MGAT5: variants seen among roughly 807,000 people sequenced by gnomAD.
MGAT5 encodes alpha-1,6-mannosylglycoprotein 6-beta-N-acetylglucosaminyltransferase, also known as alpha-1,6-mannosylglycoprotein 6-beta-N-acetylglucosaminyltransferase A.
MGAT5 carries 30 observed loss-of-function variants against 94.3 expected under a neutral mutation model. The ratio of observed to expected loss-of-function variants is 0.32; its 90% CI spans 0.24 to 0.43. The LOEUF is 0.43. Ranked by LOEUF, MGAT5 falls within the 20% of genes least tolerant of loss-of-function variation. The pLI, the probability that MGAT5 is intolerant of heterozygous loss-of-function variation, is 1.00. For synonymous variants in MGAT5, 310 were observed against 322.9 expected (o/e 0.96, Z 0.43); for missense variants, 691 against 905.5 (o/e 0.76, Z 3.04).
Position 134,422,004 on chromosome 2 carries a change from C to CA in MGAT5, c.1678-784dup, listed in dbSNP as rs34234717. 5.1e-3 allele frequency among the ~76,000 whole-genome samples: 650 copies of CA among 128,398 alleles called. 1 individual carries two copies. Among genetic ancestry groups the CA allele is most frequent in the East Asian group, 0.012 (58 of 4,656 alleles). The allele number at this position is 128,398 out of a possible 152,430, so 84.2% of individuals were successfully genotyped here. A position where few individuals can be genotyped will look rare whatever the true frequency, so the allele number is the denominator to read the frequency against. Reference sequence around the variant, plus strand: ...GCAACATACAGAGACCGTGTGTATACAAAAAAAAAAAAAAATTGTTTTTAA... The same window carrying CA: ...GCAACATACAGAGACCGTGTGTATACAAAAAAAAAAAAAAAATTGTTTTTAA... On this transcript the variant is annotated intron_variant, in intron 12 of 15. Coordinates refer to ENST00000281923, the MANE Select transcript of MGAT5 (RefSeq NM_002410.5).
At chr2:134,331,006 C>A (rs1475946365) in intron 4 of MGAT5, among the ~76,000 whole-genome samples, 2 of 152,040 alleles carry the variant, frequency 1.3e-5, no homozygotes, top group Non-Finnish European at 2.9e-5. Context: ...ATTACTTTTT[C>A]TTTCCATCTT....
chr2:134,294,035 T>G (rs1033936770), intron 2 of MGAT5, among the ~76,000 whole-genome samples: 20 of 152,178 alleles, frequency 1.3e-4, no homozygotes, highest in African/African-American at 4.8e-4. Context: ...CTAGAAAAGA[T>G]TGCCTCATGG....
At chr2:134,153,959 C>T (rs550898509) in intron 1 of MGAT5, among the ~76,000 whole-genome samples, 7 of 152,124 alleles carry the variant, frequency 4.6e-5, no homozygotes, top group South Asian at 2.1e-4. Context: ...ATAGGGGCAA[C>T]GGCAGGGCTG....
At chr2:134,368,906 G>T (rs1315071187) in intron 10 of MGAT5, among the ~76,000 whole-genome samples, 1 of 152,168 alleles carries the variant, frequency 6.6e-6, no homozygotes, top group Non-Finnish European at 1.5e-5. Flanking sequence ...CCCAACTGGA[G>T]CCGCCAAGAC....
At chr2:134,285,282 C>A (rs927205518) in intron 2 of MGAT5, among the ~76,000 whole-genome samples, 11 of 151,974 alleles carry the variant, frequency 7.2e-5, no homozygotes, top group Admixed American at 2.0e-4. Flanking sequence ...GTGTATATTG[C>A]ATAAAGATTA....
chr2:134,192,606 A>G (rs1483896226), intron 1 of MGAT5, among the ~76,000 whole-genome samples: 1 of 152,262 alleles, frequency 6.6e-6, no homozygotes, highest in Non-Finnish European at 1.5e-5. Flanking sequence ...AAGGAAATAT[A>G]CAGAGGTATG....
intron 1 of MGAT5, among the ~76,000 whole-genome samples, chr2:134,213,782 G>T (rs1680322828): frequency 6.6e-6 from 1 of 151,988 alleles, no homozygotes; most frequent in South Asian, 2.1e-4. Context: ...GTCCAGAAGG[G>T]TCCTAAACAC....
intron 1 of MGAT5, among the ~76,000 whole-genome samples, chr2:134,150,023 A>G (rs1443601414): frequency 6.6e-6 from 1 of 152,184 alleles, no homozygotes; most frequent in African/African-American, 2.4e-5. Flanking sequence ...TGGCTGAACC[A>G]ATGTGAAGCC....
chr2:134,441,055 A>G (rs1194597064), intron 14 of MGAT5, among the ~76,000 whole-genome samples: 3 of 152,174 alleles, frequency 2.0e-5, no homozygotes, highest in Non-Finnish European at 4.4e-5. Context: ...CTGTTGTAAA[A>G]TTGGTTTCTT....
intron 1 of MGAT5, among the ~76,000 whole-genome samples, chr2:134,180,265 C>T (rs376744312): frequency 9.2e-5 from 14 of 152,354 alleles, no homozygotes; most frequent in Middle Eastern, 3.4e-3. Context: ...TATGGACTCA[C>T]TCTGAATTCC....
intron 1 of MGAT5, among the ~76,000 whole-genome samples, chr2:134,233,445 T>A (rs1353963430): frequency 6.6e-6 from 1 of 152,234 alleles, no homozygotes; most frequent in Admixed American, 6.5e-5. Flanking sequence ...AATGCCTTTT[T>A]ATCAGTTACA....
At position 134,314,088 on chromosome 2, in the gene MGAT5, T is replaced by TG. The variant is rs1686858188; in HGVS notation, c.407-3439dup. 2.0e-5 allele frequency among the ~76,000 whole-genome samples: 3 copies of TG among 152,310 alleles called. No individual in the cohort carries two copies. The South Asian group carries it at 6.2e-4, about 32-fold the overall frequency. ...AGGAGCTGAAAGTCCTTATGAGCTA[T>TG]GGTGTGATGGAAAGTCTTGGTCAGG... On this transcript the variant is annotated intron_variant, in intron 2 of 15. Coordinates refer to ENST00000281923, the MANE Select transcript of MGAT5 (RefSeq NM_002410.5).
intron 1 of MGAT5, among the ~76,000 whole-genome samples, chr2:134,215,470 G>A (rs1013972178): frequency 2.0e-5 from 3 of 152,134 alleles, no homozygotes; most frequent in African/African-American, 7.2e-5. Flanking sequence ...AAGACGTGGT[G>A]GAAAAATGGA....
intron 1 of MGAT5, among the ~76,000 whole-genome samples, chr2:134,193,118 ATTTTTTATTTTTTT>A (rs1558980548): frequency 5.7e-5 from 8 of 139,374 alleles, no homozygotes; most frequent in African/African-American, 2.2e-4. Flanking sequence ...TTTTATTTTT[ATTTTTTATTTTTTT>A]TTTTTTTTGA....
intron 2 of MGAT5, among the ~76,000 whole-genome samples, chr2:134,311,254 AT>A (rs1255562811): frequency 6.6e-6 from 1 of 151,844 alleles, no homozygotes; most frequent in African/African-American, 2.4e-5. Context: ...TTTTTCTTCT[AT>A]TTTTTTCTTT....
chr2:134,258,645 C>T (rs1166901540), intron 1 of MGAT5, among the ~76,000 whole-genome samples: 1 of 152,196 alleles, frequency 6.6e-6, no homozygotes, highest in African/African-American at 2.4e-5. Flanking sequence ...TCCCAAGTCT[C>T]TTTCACGCCT....
intron 1 of MGAT5, among the ~76,000 whole-genome samples, chr2:134,190,609 C>G (rs1349005374): frequency 6.6e-6 from 1 of 152,182 alleles, no homozygotes; most frequent in Non-Finnish European, 1.5e-5. Context: ...TAACTAGTTA[C>G]AAAGCTCAAA....
chr2:134,414,674 T>C (rs1683868258), intron 12 of MGAT5, among the ~76,000 whole-genome samples: 1 of 152,226 alleles, frequency 6.6e-6, no homozygotes. Flanking sequence ...AATACAGTAT[T>C]GTTAACTATG....
At chr2:134,135,805 G>C (rs1686385499) in intron 1 of MGAT5, among the ~76,000 whole-genome samples, 1 of 151,654 alleles carries the variant, frequency 6.6e-6, no homozygotes, top group South Asian at 2.1e-4. Flanking sequence ...GTGGTGGACT[G>C]TCCTTGTTGT....
Sources: gnomAD v4.1 joint callset for allele counts (sites outside exome capture counted in the v4.1 genomes callset) on GRCh38, gnomAD v4.1.1 for gene constraint, MANE v1.5 for transcripts, NCBI Gene and HGNC (gene_info 2026-07-23, HGNC 2026-07-21) for gene names.